Variants in PDGFRL observed in about 807,000 individuals in gnomAD.
PDGFRL encodes platelet derived growth factor receptor like, also known as platelet-derived growth factor receptor-like protein.
In PDGFRL, 46 loss-of-function variants were observed where a neutral mutation model predicts 37.2. That is an observed-to-expected ratio of 1.24 (90% CI 0.98 to 1.58). The LOEUF (loss-of-function observed/expected upper bound fraction) is 1.58. PDGFRL is among the 40% of genes most tolerant of loss of function. The pLI is 0.00. For missense variants in PDGFRL, 692 were observed against 467.6 expected (o/e 1.48, Z -4.43); for synonymous variants, 251 against 184.3 (o/e 1.36, Z -2.93).
rs1027699915 is a variant in PDGFRL at position 17,601,966 on chromosome 8, T to C, written c.353+12201T>C. On this transcript the variant is annotated intron_variant, in intron 2 of 5. Transcript: ENST00000251630. Reference sequence around the variant, plus strand: ...GCCTTTGTGGTAGAACTATCTATATTCCTTTGGATACATACTTGGTAATGG... The same window carrying C: ...GCCTTTGTGGTAGAACTATCTATATCCCTTTGGATACATACTTGGTAATGG... Among the ~76,000 whole-genome samples the C allele has an allele frequency of 2.6e-5, 4 of 152,220 alleles. No individual in the cohort carries two copies. The South Asian group carries it at 8.3e-4, about 31-fold the overall frequency.
At chr8:17,599,367 C>T (rs1804119435) in intron 2 of PDGFRL, among the ~76,000 whole-genome samples, 2 of 152,236 alleles carry the variant, frequency 1.3e-5, no homozygotes, top group Admixed American at 1.3e-4. Flanking sequence ...CACAGCTTAG[C>T]TCCCACATAT....
intron 2 of PDGFRL, among the ~76,000 whole-genome samples, chr8:17,595,009 T>C (rs112359236): frequency 0.015 from 2,247 of 152,308 alleles, 63 homozygotes; most frequent in African/African-American, 0.051. Context: ...ACGTACATTT[T>C]TTTTTTTTCC....
intron 2 of PDGFRL, among the ~76,000 whole-genome samples, chr8:17,601,333 G>A (rs1278075924): frequency 1.3e-5 from 2 of 152,160 alleles, no homozygotes; most frequent in Non-Finnish European, 2.9e-5. Context: ...CAGAGGCACT[G>A]AGCCTGCAGG....
At chr8:17,585,386 CAGTA>C (rs1563504072) in intron 1 of PDGFRL, among the ~76,000 whole-genome samples, 11 of 152,082 alleles carry the variant, frequency 7.2e-5, no homozygotes, top group African/African-American at 2.7e-4. Context: ...GAATCTCTGA[CAGTA>C]GGTGGGTTTT....
chr8:17,629,747 C>A (rs1349400305), intron 4 of PDGFRL, among the ~76,000 whole-genome samples: 3 of 152,162 alleles, frequency 2.0e-5, no homozygotes, highest in Non-Finnish European at 4.4e-5. Context: ...ACCCTCATCA[C>A]AATGTGAACA....
intron 2 of PDGFRL, among the ~76,000 whole-genome samples, chr8:17,612,521 C>G (rs1221702063): frequency 6.6e-6 from 1 of 152,122 alleles, no homozygotes; most frequent in Admixed American, 6.5e-5. Flanking sequence ...CAAGCACCTG[C>G]CACCATACCC....
chr8:17,577,189 T>C (rs1585291629), upstream of PDGFRL: 1 of 1,442,856 alleles, frequency 6.9e-7, no homozygotes. Flanking sequence ...GCCCGCCGCC[T>C]CCCCTGCGTC....
chr8:17,596,378 C>T, intron 2 of PDGFRL: 1 of 1,146,582 alleles, frequency 8.7e-7, no homozygotes, highest in Non-Finnish European at 1.1e-6. Flanking sequence ...GGCCCTGCCT[C>T]CAATACCACG....
At chr8:17,592,373 G>C (rs1803957823) in intron 2 of PDGFRL, among the ~76,000 whole-genome samples, 1 of 152,060 alleles carries the variant, frequency 6.6e-6, no homozygotes, top group South Asian at 2.1e-4. Context: ...CTGATACTGC[G>C]GTGACCACAC....
intron 1 of PDGFRL, among the ~76,000 whole-genome samples, chr8:17,577,945 G>A (rs1451599892): frequency 6.6e-6 from 1 of 151,670 alleles, no homozygotes. Flanking sequence ...GCATTTTTTT[G>A]GTACAGCTTA....
At position 17,581,170 on chromosome 8, in the gene PDGFRL, C is replaced by T. The variant is rs545327973; in HGVS notation, c.55+3863C>T. On this transcript the variant is annotated intron_variant, in intron 1 of 5. Transcript: ENST00000251630. ...GGGTGAGACATGGAGAGGACTGAGG[C>T]GGGGTGTGAGGATGCCGTTTGAATG... Among the ~76,000 whole-genome samples, 22 of 152,146 alleles carry T rather than the reference C, an allele frequency of 1.4e-4. No individual in the cohort carries two copies. The East Asian group carries it at 1.7e-3, about 12-fold the overall frequency.
At chr8:17,602,867 A>G (rs1186902584) in intron 2 of PDGFRL, among the ~76,000 whole-genome samples, 2 of 152,244 alleles carry the variant, frequency 1.3e-5, no homozygotes, top group East Asian at 3.8e-4. Flanking sequence ...AGTGGATACA[A>G]TATGTGCCCA....
intron 4 of PDGFRL, among the ~76,000 whole-genome samples, chr8:17,629,968 G>A (rs1009871643): frequency 3.3e-5 from 5 of 152,138 alleles, no homozygotes; most frequent in Middle Eastern, 3.4e-3. Flanking sequence ...CCCACACCCG[G>A]CACGCCCTCC....
At chr8:17,639,369 T>A (rs1585339871) in intron 5 of PDGFRL, among the ~76,000 whole-genome samples, 1 of 152,274 alleles carries the variant, frequency 6.6e-6, no homozygotes, top group Admixed American at 6.5e-5. Flanking sequence ...GTTTTATAGG[T>A]CCTATGAGAT....
chr8:17,578,322 G>A (rs1187071518), intron 1 of PDGFRL, among the ~76,000 whole-genome samples: 4 of 152,250 alleles, frequency 2.6e-5, no homozygotes, highest in Admixed American at 2.0e-4. Flanking sequence ...CGTTCATCCT[G>A]ACCAGTTCCT....
intron 1 of PDGFRL, among the ~76,000 whole-genome samples, chr8:17,579,185 G>C (rs1803653968): frequency 6.6e-6 from 1 of 152,154 alleles, no homozygotes; most frequent in Non-Finnish European, 1.5e-5. Context: ...GACAAAGTGA[G>C]ACTCCATCTC....
At chr8:17,630,081 C>A (rs909452970) in intron 4 of PDGFRL, among the ~76,000 whole-genome samples, 1 of 152,200 alleles carries the variant, frequency 6.6e-6, no homozygotes, top group African/African-American at 2.4e-5. Flanking sequence ...TGTTGGGACA[C>A]TCCCATGGGA....
At chr8:17,600,815 C>CAAA (rs72227622) in intron 2 of PDGFRL, among the ~76,000 whole-genome samples, 7 of 144,234 alleles carry the variant, frequency 4.9e-5, no homozygotes, top group African/African-American at 1.1e-4. Flanking sequence ...AAAAAAAAAA[C>CAAA]AAAAAAACCT....
intron 2 of PDGFRL, among the ~76,000 whole-genome samples, chr8:17,603,141 C>G (rs1046083624): frequency 2.0e-5 from 3 of 152,056 alleles, no homozygotes; most frequent in Admixed American, 2.0e-4. Context: ...CGCCACCAAG[C>G]TTGGCTAATT....
Sources: gnomAD v4.1 joint callset for allele counts (sites outside exome capture counted in the v4.1 genomes callset) on GRCh38, gnomAD v4.1.1 for gene constraint, MANE v1.5 for transcripts, NCBI Gene and HGNC (gene_info 2026-07-23, HGNC 2026-07-21) for gene names.